The following COQ8A variants were observed in gnomAD, a reference collection of about 807,000 sequenced individuals.
COQ8A encodes the protein coenzyme Q8A.
In COQ8A, 51 loss-of-function variants were observed where a neutral mutation model predicts 65.0. That is an observed-to-expected ratio of 0.78 (90% confidence interval 0.63 to 0.99). The LOEUF is 0.99. Ranked by LOEUF, COQ8A falls within the 50% of genes least tolerant of loss-of-function variation. COQ8A has a pLI of 0.00. For synonymous variants in COQ8A, 371 were observed against 353.2 expected, an observed-to-expected ratio of 1.05 and a Z score of -0.57; for missense variants, 940 against 875.0, an observed-to-expected ratio of 1.07 and a Z score of -0.94.
chr1:226,951,071 A>G (rs1461943043), intron 1 of COQ8A, among the ~76,000 whole-genome samples: 1 of 152,210 alleles, frequency 6.6e-6, no homozygotes, highest in African/African-American at 2.4e-5. Context: ...GCTCACCAGG[A>G]GGCCACCAAC....
chr1:226,977,448 G>C lies in COQ8A; in HGVS notation c.656-1G>C. On this transcript the variant is annotated splice_acceptor_variant, in intron 4 of 14. Transcript: ENST00000366777. LOFTEE classifies it high-confidence loss of function. ...GAGTGCCCGCCCCCTCCTCCTTGCA[G>C]GTCTGGCCGTGGGCCTGGGCTTCGG... The C allele has an allele frequency of 6.4e-7, 1 of 1,560,888 alleles. No homozygotes were observed. The highest frequency in any genetic ancestry group is 1.3e-5 in the African/African-American group (1 of 74,194).
chr1:226,977,373 C>G, intron 4 of COQ8A, 76 bp from the exon 5 acceptor site: 4 of 1,426,584 alleles, frequency 2.8e-6, no homozygotes, highest in Middle Eastern at 2.1e-4. Flanking sequence ...TGGTGCTGCC[C>G]CAGGCCTTGT....
rs1660136446 is a variant in COQ8A, at chr1:226,986,629, G to A, written c.1836G>A (p.Lys612=). The stretch of plus-strand genomic sequence containing the variant: ...AGGAAACCTACTCCCTGCACAGGAA[G>A]ATGGGGGGCTCCTTCCTCATCTGCT... ...PPEETYSLHR[K]MGGSFLICSK... Residue 612 remains lysine (K), a synonymous_variant, in exon 15 of 15, where the codon AAG becomes AAA. Coordinates refer to ENST00000366777, the MANE Select transcript of COQ8A (RefSeq NM_020247.5). The A allele has an allele frequency of 6.2e-7, 1 of 1,613,896 alleles. No individual in the cohort carries two copies. The highest frequency in any genetic ancestry group is 1.1e-5 in the South Asian group (1 of 91,092).
chr1:226,965,747 C>A lies in COQ8A; in HGVS notation c.655+10C>A. ...CTGGCCAACTTCGGAGGTAAGGTGG[C>A]TGTGTGCCCCTGGACTGCCTCACCT... On this transcript the variant is annotated intron_variant, in intron 4 of 14. Transcript: ENST00000366777. 6.2e-7 allele frequency: 1 copy of A among 1,613,044 alleles called. No individual in the cohort carries two copies. The highest frequency in any genetic ancestry group is 1.1e-5 in the South Asian group (1 of 91,048).
chr1:226,979,252 C>T (rs540408656), intron 5 of COQ8A, among the ~76,000 whole-genome samples: 5 of 152,318 alleles, frequency 3.3e-5, no homozygotes, highest in South Asian at 2.1e-4. Flanking sequence ...GTCCTGCGAA[C>T]GGACCACGCT....
chr1:226,941,084 G>A (rs1326762620), intron 1 of COQ8A, among the ~76,000 whole-genome samples: 1 of 152,202 alleles, frequency 6.6e-6, no homozygotes, highest in Non-Finnish European at 1.5e-5. Flanking sequence ...AGAGGTAACA[G>A]CCCCTCTGCC....
chr1:226,959,226 G>A (rs1657999275), intron 1 of COQ8A, among the ~76,000 whole-genome samples: 1 of 152,162 alleles, frequency 6.6e-6, no homozygotes, highest in Non-Finnish European at 1.5e-5. Flanking sequence ...ACTTCTGTGA[G>A]AGCGTAGACT....
At position 226,987,301 on chromosome 1, in the gene COQ8A, G is replaced by A. The variant is rs1660175541; in HGVS notation, c.*564G>A. On this transcript the variant is annotated 3_prime_UTR_variant, in exon 15 of 15. Transcript: ENST00000366777. ...GTGGGGCTGGTTCTCACCTTTGACA[G>A]CTGAATGTTCCTAAAGAACTGCTGC... The A allele has an allele frequency of 6.4e-6, 1 of 155,996 alleles. No individual in the cohort carries two copies. Among genetic ancestry groups the A allele is most frequent in the African/African-American group, 2.4e-5 (1 of 41,488 alleles). The allele number at this position is 155,996 out of a possible 1,614,324, so 9.7% of individuals were successfully genotyped here. A position where few individuals can be genotyped will look rare whatever the true frequency, so the allele number is the denominator to read the frequency against.
At chr1:226,950,310 G>C (rs1372158256) in intron 1 of COQ8A, among the ~76,000 whole-genome samples, 1 of 152,196 alleles carries the variant, frequency 6.6e-6, no homozygotes, top group Non-Finnish European at 1.5e-5. Context: ...GCTCACCACA[G>C]GGCAACTCAC....
intron 5 of COQ8A, among the ~76,000 whole-genome samples, chr1:226,978,933 A>ACACACCTTACCCT (rs1659521795): frequency 7.0e-6 from 1 of 143,756 alleles, no homozygotes; most frequent in Non-Finnish European, 1.5e-5. Flanking sequence ...CCACACACCC[A>ACACACCTTACCCT]CCACACACCC....
At chr1:226,964,963 C>T (rs1249753924) in intron 2 of COQ8A, 37 bp from the exon 3 acceptor site, 1 of 1,611,900 alleles carries the variant, frequency 6.2e-7, no homozygotes, top group South Asian at 1.1e-5. Context: ...TCCTGGCTCG[C>T]TCTTGCTCTC....
chr1:226,982,156 G>C lies in COQ8A; in HGVS notation c.853+7G>C. On this transcript the variant is annotated splice_region_variant and intron_variant, in intron 6 of 14. Transcript: ENST00000366777. ...CAGATGCTGAGCATCCAGGGTGAGT[G>C]GGCGCGGGGGCTGCTGCCCCGGGAC... 6.4e-7 allele frequency: 1 copy of C among 1,573,450 alleles called. No homozygotes were observed.
In COQ8A at chr1:226,965,359, G is replaced by T. The variant is rs1177101240; in HGVS notation, c.537G>T (p.Glu179Asp). 6.2e-7 allele frequency: 1 copy of T among 1,612,776 alleles called. No homozygotes were observed. Among genetic ancestry groups the T allele is most frequent in the African/African-American group, 1.3e-5 (1 of 74,940 alleles). The change falls in exon 3 of 15, where the codon GAG (glutamate) becomes GAT (aspartate). Residue 179 changes from glutamate to aspartate, a missense_variant. Coordinates refer to ENST00000366777, the MANE Select transcript of COQ8A (RefSeq NM_020247.5). ...PVGGLTAEDI[E>D]KARQAKARPE... is the part of the protein sequence containing the mutation. The stretch of plus-strand genomic sequence containing the variant: ...GGGGCCTCACAGCCGAGGACATTGA[G>T]AAGGCCCGGCAGGCTAAGGCTCGCC...
chr1:226,948,336 T>C (rs1030797623), intron 1 of COQ8A, among the ~76,000 whole-genome samples: 1 of 152,224 alleles, frequency 6.6e-6, no homozygotes, highest in African/African-American at 2.4e-5. Context: ...GACTCTGCCC[T>C]GCCTGCCTCC....
intron 6 of COQ8A, 39 bp downstream of exon 6, chr1:226,982,188 G>C (rs753303807): frequency 6.5e-7 from 1 of 1,544,914 alleles, no homozygotes; most frequent in South Asian, 1.2e-5. Context: ...GGACTGCGTG[G>C]GCTGCTGGGG....
In COQ8A at chr1:226,965,170, T is replaced by C; in HGVS notation, c.348T>C (p.Ala116=). The C allele has an allele frequency of 1.2e-6, 2 of 1,613,722 alleles. No homozygotes were observed. The highest frequency in any genetic ancestry group is 1.7e-6 in the Non-Finnish European group (2 of 1,180,018). Residue 116 remains alanine, a synonymous_variant, in exon 3 of 15, where the codon GCT becomes GCC. Transcript: ENST00000366777. ...SLGHAHSEGP[A]PAYVASGPFR... is the part of the protein sequence containing the mutation. Reference sequence around the variant, plus strand: ...GTCATGCCCACAGCGAGGGCCCAGCTCCTGCCTACGTGGCCAGTGGACCCT... The same window carrying C: ...GTCATGCCCACAGCGAGGGCCCAGCCCCTGCCTACGTGGCCAGTGGACCCT...
Position 226,947,801 on chromosome 1 carries a change from ATAT to A in COQ8A, c.-10+7403_-10+7405del, listed in dbSNP as rs371554244. ...AACAGTAAGACCCTGTCTCAAAAAA[ATAT>A]ATATATATATATATCTATCTGCCTG... is the stretch of plus-strand genomic sequence containing the variant. On this transcript the variant is annotated intron_variant, in intron 1 of 14. Coordinates refer to ENST00000366777, the MANE Select transcript of COQ8A (RefSeq NM_020247.5). Among the ~76,000 whole-genome samples, 290 of 137,046 alleles carry A rather than the reference ATAT, an allele frequency of 2.1e-3. 3 individuals carry two copies. Among genetic ancestry groups the A allele is most frequent in the African/African-American group, 7.2e-3 (270 of 37,708 alleles). 89.9% of individuals were successfully genotyped at this position (137,046 alleles called of 152,430 possible).
rs188462608 is a variant in COQ8A, at chr1:226,986,971, G to A, written c.*234G>A. 2.1e-4 allele frequency: 125 copies of A among 589,496 alleles called. 1 individual carries two copies. The highest frequency in any genetic ancestry group is 3.1e-4 in the Non-Finnish European group (102 of 331,908). The allele number at this position is 589,496 out of a possible 1,614,324, so 36.5% of individuals were successfully genotyped here. A position where few individuals can be genotyped will look rare whatever the true frequency, so the allele number is the denominator to read the frequency against. ...CTGCTCGGTCAGTCTGCCTCCGTGT[G>A]TCCTCTGAAATAAGCAGATGAAGAT... On this transcript the variant is annotated 3_prime_UTR_variant, in exon 15 of 15. Coordinates refer to ENST00000366777, the MANE Select transcript of COQ8A (RefSeq NM_020247.5).
In COQ8A at chr1:226,983,008, G is replaced by T. The variant is rs536852535; in HGVS notation, c.1054G>T (p.Gly352Cys). 6.3e-7 allele frequency: 1 copy of T among 1,593,572 alleles called. No individual in the cohort carries two copies. Among genetic ancestry groups the T allele is most frequent in the Non-Finnish European group, 8.5e-7 (1 of 1,171,038 alleles). ...GQVHLARMKG[G>C]REVAMKIQYP... Reference sequence around the variant, plus strand: ...GGTGCACTTGGCCCGAATGAAGGGCGGCCGCGAGGTGGCCATGAAGATCCA... The same window carrying T: ...GGTGCACTTGGCCCGAATGAAGGGCTGCCGCGAGGTGGCCATGAAGATCCA... Residue 352 changes from glycine (G) to cysteine (C), a missense_variant, in exon 8 of 15, where the codon GGC (glycine) becomes TGC (cysteine). By Grantham distance (159) the Gly-to-Cys change is radical. Coordinates refer to ENST00000366777, the MANE Select transcript of COQ8A (RefSeq NM_020247.5).
Sources: gnomAD v4.1 joint callset for allele counts (sites outside exome capture counted in the v4.1 genomes callset) on GRCh38, gnomAD v4.1.1 for gene constraint, MANE v1.5 for transcripts, NCBI Gene and HGNC (gene_info 2026-07-23, HGNC 2026-07-21) for gene names.